The following NRG2 variants were observed in gnomAD, a reference collection of about 807,000 sequenced individuals.
The protein encoded by NRG2 is pro-neuregulin-2, membrane-bound isoform.
Under a neutral mutation model 73.9 loss-of-function variants are expected in NRG2, and 27 were observed. The ratio of observed to expected loss-of-function variants is 0.37; its 90% confidence interval spans 0.27 to 0.50. The LOEUF (loss-of-function observed/expected upper bound fraction) is 0.50. Among genes scored for constraint, NRG2 ranks in the 20% least tolerant of loss-of-function variants. The probability of loss-of-function intolerance (pLI) is 0.96; values close to 1 mark genes in which losing one functional copy is unlikely to be tolerated. For synonymous variants in NRG2, 532 were observed against 541.0 expected (o/e 0.98, Z 0.23); for missense variants, 1,126 against 1,210.1 (o/e 0.93, Z 1.03).
intron 1 of NRG2, among the ~76,000 whole-genome samples, chr5:139,906,535 C>G (rs1210368954): frequency 3.3e-5 from 5 of 152,188 alleles, no homozygotes; most frequent in African/African-American, 4.8e-5. Context: ...CCCAGGATCT[C>G]TCTCCCTTTT....
chr5:139,943,098 C>T (rs182249324), intron 1 of NRG2, among the ~76,000 whole-genome samples: 51 of 152,232 alleles, frequency 3.4e-4, no homozygotes, highest in South Asian at 8.3e-4. Context: ...GTCTCAGCCT[C>T]CCAAAGTGCT....
intron 1 of NRG2, among the ~76,000 whole-genome samples, chr5:139,964,709 C>T (rs1755355772): frequency 6.6e-6 from 1 of 152,222 alleles, no homozygotes; most frequent in Admixed American, 6.5e-5. Context: ...GACAGGGCCT[C>T]TACTTCTTGG....
At position 139,970,373 on chromosome 5, in the gene NRG2, T is replaced by C. The variant is rs540776099; in HGVS notation, c.700+71997A>G. Among the ~76,000 whole-genome samples, 378 of 152,258 alleles carry C rather than the reference T, an allele frequency of 2.5e-3. 2 individuals are homozygous for C. The highest frequency in any genetic ancestry group is 6.8e-3 in the Middle Eastern group (2 of 294). Reference sequence around the variant, plus strand: ...GATCAGAGCTTTCAAGTCAGGTTGATAAAACCTCACATGATAAGGAGGTAG... The same window carrying C: ...GATCAGAGCTTTCAAGTCAGGTTGACAAAACCTCACATGATAAGGAGGTAG... On this transcript the variant is annotated intron_variant, in intron 1 of 9. Transcript: ENST00000361474.
chr5:140,010,947 C>A (rs925772135), intron 1 of NRG2, among the ~76,000 whole-genome samples: 9 of 152,242 alleles, frequency 5.9e-5, no homozygotes, highest in African/African-American at 2.2e-4. Context: ...TTGGTGCAGG[C>A]CCTGGTCATC....
intron 1 of NRG2, among the ~76,000 whole-genome samples, chr5:139,919,231 G>A (rs1365398812): frequency 6.6e-6 from 1 of 151,996 alleles, no homozygotes; most frequent in African/African-American, 2.4e-5. Flanking sequence ...CGACTCCTGG[G>A]GCCCCATACA....
chr5:139,938,977 G>T (rs1440380469), intron 1 of NRG2, among the ~76,000 whole-genome samples: 1 of 139,550 alleles, frequency 7.2e-6, no homozygotes, highest in African/African-American at 2.8e-5. Context: ...GGAAGGAAGG[G>T]AAGGAAGGAA....
At position 139,894,963 on chromosome 5, in the gene NRG2, C is replaced by T. The variant is rs1764459275; in HGVS notation, c.701-7452G>A. ...GGGGCCAGGCCAGCTGGGATGAGAA[C>T]TAAAGAGGGGAGGCAGAAGCTGCAC... On this transcript the variant is annotated intron_variant, in intron 1 of 9. Transcript: ENST00000361474. This position sits in a 1 kb window ranked among gnomAD's most constrained non-coding sequence, Gnocchi z 5.0. Among the ~76,000 whole-genome samples the T allele has an allele frequency of 6.6e-6, 1 of 152,102 alleles. No individual in the cohort carries two copies. The highest frequency in any genetic ancestry group is 1.5e-5 in the Non-Finnish European group (1 of 68,020).
chr5:140,034,722 A>G (rs922921481), intron 1 of NRG2, among the ~76,000 whole-genome samples: 5 of 152,232 alleles, frequency 3.3e-5, no homozygotes, highest in Non-Finnish European at 7.3e-5. Context: ...GAAAAATGAA[A>G]TTAAATGAAT....
At chr5:140,024,360 T>C (rs1475074917) in intron 1 of NRG2, among the ~76,000 whole-genome samples, 1 of 151,990 alleles carries the variant, frequency 6.6e-6, no homozygotes, top group Non-Finnish European at 1.5e-5. Context: ...GTTCACGTCA[T>C]TCTCCTGCCT....
chr5:139,984,704 G>A (rs1757040633), intron 1 of NRG2, among the ~76,000 whole-genome samples: 1 of 152,158 alleles, frequency 6.6e-6, no homozygotes, highest in Non-Finnish European at 1.5e-5. Context: ...GCCACTGTCA[G>A]TATTTAGGTC....
chr5:139,990,163 A>G (rs1757503047), intron 1 of NRG2, among the ~76,000 whole-genome samples: 1 of 151,998 alleles, frequency 6.6e-6, no homozygotes, highest in Admixed American at 6.6e-5. Context: ...TATGTGCAAG[A>G]ATTTCTGTTG....
chr5:139,873,296 C>A (rs980635135), intron 3 of NRG2, among the ~76,000 whole-genome samples: 1 of 152,190 alleles, frequency 6.6e-6, no homozygotes. Context: ...CTGGAACCCA[C>A]GTGCTGGCTG....
At chr5:139,862,159 G>C (rs1045412137) in intron 5 of NRG2, among the ~76,000 whole-genome samples, 7 of 152,202 alleles carry the variant, frequency 4.6e-5, no homozygotes, top group African/African-American at 1.7e-4. Flanking sequence ...AAGTGAGCAG[G>C]GCTCCCAAAG....
chr5:139,951,467 G>C (rs1014767783), intron 1 of NRG2, among the ~76,000 whole-genome samples: 6 of 152,194 alleles, frequency 3.9e-5, no homozygotes, highest in Non-Finnish European at 7.4e-5. Flanking sequence ...GGTGCCACAT[G>C]CTGTAGTCAG....
chr5:139,884,465 C>T (rs908287428), intron 2 of NRG2, among the ~76,000 whole-genome samples: 4 of 152,300 alleles, frequency 2.6e-5, no homozygotes, highest in East Asian at 1.9e-4. Flanking sequence ...GAAGAGGAGT[C>T]GGAAGAGCCC....
rs932668845 is a variant in NRG2 at position 139,846,806 on chromosome 5, T to C, written c.*1111A>G. 1 of 152,106 alleles carries C rather than the reference T, an allele frequency of 6.6e-6. No homozygotes were observed. The highest frequency in any genetic ancestry group is 1.5e-5 in the Non-Finnish European group (1 of 68,028). The allele number at this position is 152,106 out of a possible 1,614,324, so 9.4% of individuals were successfully genotyped here. ...CAGGAGTTATTTCTGATTTTATTTA[T>C]AATATAAAAATGTTCAAGTGTCAAC... is the stretch of plus-strand genomic sequence containing the variant. On this transcript the variant is annotated 3_prime_UTR_variant, in exon 10 of 10. Transcript: ENST00000361474.
At chr5:139,890,792 T>C (rs781238155) in intron 1 of NRG2, among the ~76,000 whole-genome samples, 3 of 152,208 alleles carry the variant, frequency 2.0e-5, no homozygotes, top group Non-Finnish European at 4.4e-5. Flanking sequence ...GGTGTGTTCC[T>C]TTATTTTTGG....
intron 6 of NRG2, among the ~76,000 whole-genome samples, chr5:139,854,754 T>C (rs1268783120): frequency 6.6e-6 from 1 of 152,174 alleles, no homozygotes; most frequent in African/African-American, 2.4e-5. Context: ...AGAACAGTTG[T>C]TACAAACCCG....
In NRG2 at chr5:140,043,083, T is replaced by C. The variant is rs763517342; in HGVS notation, c.-14A>G. On this transcript the variant is annotated 5_prime_UTR_variant, in exon 1 of 10. Transcript: ENST00000361474. This position sits in a 1 kb window ranked among gnomAD's most constrained non-coding sequence, Gnocchi z 6.7. ...AACCTGCCGCATCTGGCCAGGCCAT[T>C]TGGGGGGCTCCGCCGCTCAGCCGCC... is the stretch of plus-strand genomic sequence containing the variant. 23 of 1,570,452 alleles carry C rather than the reference T, an allele frequency of 1.5e-5. No homozygotes were observed. Among genetic ancestry groups the C allele is most frequent in the African/African-American group, 2.7e-5 (2 of 72,782 alleles).
Sources: allele counts gnomAD v4.1 joint callset (sites outside exome capture counted in the v4.1 genomes callset), GRCh38; gene constraint gnomAD v4.1.1; non-coding constraint Gnocchi (gnomAD v3.1); transcripts MANE v1.5; gene names NCBI Gene and HGNC (gene_info 2026-07-23, HGNC 2026-07-21).